Variants in INPP4B observed in about 807,000 individuals in gnomAD.
INPP4B encodes the protein inositol polyphosphate-4-phosphatase type II B.
In INPP4B, 55 loss-of-function variants were observed where a neutral mutation model predicts 122.5. The ratio of observed to expected loss-of-function variants is 0.45; its 90% confidence interval spans 0.36 to 0.56. The LOEUF is 0.56. Among genes scored for constraint, INPP4B ranks in the 20% least tolerant of loss-of-function variants. The pLI is 0.00. For synonymous variants in INPP4B, 403 were observed against 388.7 expected (o/e 1.04, Z -0.43); for missense variants, 1,000 against 1,097.7 (o/e 0.91, Z 1.26).
At chr4:142,706,826 A>G (rs1183624621) in intron 2 of INPP4B, among the ~76,000 whole-genome samples, 2 of 152,254 alleles carry the variant, frequency 1.3e-5, no homozygotes, top group Admixed American at 6.5e-5. Context: ...AAGACGCTAA[A>G]TATTGCTCAA....
At chr4:142,253,438 G>C (rs1323779587) in intron 11 of INPP4B, among the ~76,000 whole-genome samples, 4 of 152,236 alleles carry the variant, frequency 2.6e-5, no homozygotes, top group South Asian at 2.1e-4. Flanking sequence ...TTCCATCTGA[G>C]GTACCGGGTT....
At chr4:142,249,075 A>G (rs1730616401) in intron 11 of INPP4B, among the ~76,000 whole-genome samples, 1 of 152,102 alleles carries the variant, frequency 6.6e-6, no homozygotes, top group South Asian at 2.1e-4. Context: ...AGCAAGATGT[A>G]CAAATACCGG....
intron 2 of INPP4B, among the ~76,000 whole-genome samples, chr4:142,515,370 G>A (rs904230725): frequency 8.5e-5 from 13 of 152,092 alleles, no homozygotes; most frequent in African/African-American, 2.9e-4. Flanking sequence ...TCATGAAAAC[G>A]AAATGCTGAT....
intron 10 of INPP4B, among the ~76,000 whole-genome samples, chr4:142,265,989 G>A (rs1019433403): frequency 6.6e-6 from 1 of 152,172 alleles, no homozygotes; most frequent in African/African-American, 2.4e-5. Context: ...TGGAAAAGTG[G>A]CTGGTAATAT....
At chr4:142,604,506 C>A (rs755790827) in intron 2 of INPP4B, among the ~76,000 whole-genome samples, 3 of 152,070 alleles carry the variant, frequency 2.0e-5, no homozygotes, top group Non-Finnish European at 4.4e-5. Flanking sequence ...ACTCCTAGAA[C>A]TGCAAATAAA....
At chr4:142,381,176 CAGATTTTTTTAAAG>C (rs1793960890) in intron 7 of INPP4B, among the ~76,000 whole-genome samples, 1 of 152,036 alleles carries the variant, frequency 6.6e-6, no homozygotes, top group African/African-American at 2.4e-5. Flanking sequence ...TAATTGCTGG[CAGATTTTTTTAAAG>C]GATGCAAAAA....
intron 15 of INPP4B, among the ~76,000 whole-genome samples, chr4:142,182,325 G>A (rs1439717755): frequency 6.6e-6 from 1 of 152,032 alleles, no homozygotes; most frequent in Non-Finnish European, 1.5e-5. Context: ...GAGGTGGGCG[G>A]ATCACGAGGT....
chr4:142,456,260 T>C (rs1202611420), intron 3 of INPP4B, among the ~76,000 whole-genome samples: 2 of 152,218 alleles, frequency 1.3e-5, no homozygotes, highest in African/African-American at 2.4e-5. Flanking sequence ...CCTAATGTTT[T>C]CTTGTAGTAG....
chr4:142,233,001 G>A (rs923674218), intron 12 of INPP4B, among the ~76,000 whole-genome samples: 3 of 152,092 alleles, frequency 2.0e-5, no homozygotes, highest in Non-Finnish European at 4.4e-5. Flanking sequence ...GACAGACATT[G>A]GTTCATGAAG....
chr4:142,345,348 A>C (rs1779967239), intron 7 of INPP4B, among the ~76,000 whole-genome samples: 2 of 152,058 alleles, frequency 1.3e-5, no homozygotes, highest in African/African-American at 4.8e-5. Flanking sequence ...ATTCACCATC[A>C]GATAATTGTT....
intron 1 of INPP4B, among the ~76,000 whole-genome samples, chr4:142,845,936 C>G (rs1784143986): frequency 1.3e-5 from 2 of 151,690 alleles, no homozygotes; most frequent in South Asian, 4.2e-4. Flanking sequence ...GCGCGCCGGG[C>G]AGAGGGGCGC....
chr4:142,589,192 C>T (rs150850961), intron 2 of INPP4B, among the ~76,000 whole-genome samples: 609 of 152,008 alleles, frequency 4.0e-3, no homozygotes, highest in Non-Finnish European at 6.8e-3. Flanking sequence ...GAAACATAGA[C>T]CTAAATGTAG....
intron 23 of INPP4B, among the ~76,000 whole-genome samples, chr4:142,104,245 C>T (rs1343039855): frequency 1.3e-5 from 2 of 152,082 alleles, no homozygotes; most frequent in Non-Finnish European, 1.5e-5. Context: ...CTTCAGAAGC[C>T]CTGAATCATG....
intron 9 of INPP4B, among the ~76,000 whole-genome samples, chr4:142,300,708 G>A (rs567122644): frequency 6.6e-6 from 1 of 152,000 alleles, no homozygotes; most frequent in African/African-American, 2.4e-5. Flanking sequence ...AACAGTATAA[G>A]TTAAATGTTT....
chr4:142,211,998 A>G (rs1254404550), intron 12 of INPP4B, among the ~76,000 whole-genome samples: 4 of 152,134 alleles, frequency 2.6e-5, no homozygotes, highest in African/African-American at 9.7e-5. Flanking sequence ...GAGGCTCACC[A>G]TTGAGCAAGT....
intron 2 of INPP4B, among the ~76,000 whole-genome samples, chr4:142,521,830 T>C (rs1443906346): frequency 6.6e-6 from 1 of 152,166 alleles, no homozygotes; most frequent in African/African-American, 2.4e-5. Flanking sequence ...ATTTATGTGG[T>C]ATATCTATGA....
At chr4:142,174,629 C>CT (rs1328404051) in intron 15 of INPP4B, among the ~76,000 whole-genome samples, 2 of 72,920 alleles carry the variant, frequency 2.7e-5, no homozygotes, top group East Asian at 8.7e-4. Flanking sequence ...GAATTATTGA[C>CT]TTCTTTTTTT....
chr4:142,141,443 T>C (rs548316961), intron 18 of INPP4B, among the ~76,000 whole-genome samples: 1 of 152,158 alleles, frequency 6.6e-6, no homozygotes, highest in East Asian at 1.9e-4. Flanking sequence ...AGACAGCAGA[T>C]GCTTAGAAAG....
intron 7 of INPP4B, among the ~76,000 whole-genome samples, chr4:142,319,225 C>T (rs1769066620): frequency 6.6e-6 from 1 of 152,158 alleles, no homozygotes; most frequent in South Asian, 2.1e-4. Flanking sequence ...TGGACAGTTT[C>T]AGCTGGCAGG....
Sources: allele counts gnomAD v4.1 joint callset (sites outside exome capture counted in the v4.1 genomes callset), GRCh38; gene constraint gnomAD v4.1.1; transcripts MANE v1.5; gene names NCBI Gene and HGNC (gene_info 2026-07-23, HGNC 2026-07-21).